FAIM2: variants seen among roughly 807,000 people sequenced by gnomAD.
The protein encoded by FAIM2 is Fas apoptotic inhibitory molecule 2.
FAIM2 carries 27 observed loss-of-function variants against 47.4 expected under a neutral mutation model. That is an observed-to-expected ratio of 0.57 (90% CI 0.42 to 0.78). The LOEUF (loss-of-function observed/expected upper bound fraction) is 0.78, where lower values mean the gene tolerates loss of function less well. Ranked by LOEUF, FAIM2 falls within the 30% of genes least tolerant of loss-of-function variation. The pLI, the probability that FAIM2 is intolerant of heterozygous loss-of-function variation, is 0.00. For missense variants in FAIM2, 311 were observed against 389.4 expected (o/e 0.80, Z 1.69); for synonymous variants, 156 against 159.3 (o/e 0.98, Z 0.16).
At chr12:49,896,240 T>G (rs956864) in intron 5 of FAIM2, among the ~76,000 whole-genome samples, 1 of 152,080 alleles carries the variant, frequency 6.6e-6, no homozygotes, top group South Asian at 2.1e-4. Flanking sequence ...CTGCTCTGAG[T>G]CCCAGGATGG....
At chr12:49,893,620 A>T (rs1337581061) in intron 5 of FAIM2, among the ~76,000 whole-genome samples, 1 of 152,246 alleles carries the variant, frequency 6.6e-6, no homozygotes, top group Admixed American at 6.5e-5. Flanking sequence ...GAGATGCAGG[A>T]GTTGAGACAA....
intron 2 of FAIM2, 34 bp from the exon 3 acceptor site, chr12:49,898,124 T>G (rs1258259178): frequency 2.6e-6 from 4 of 1,511,238 alleles, no homozygotes; most frequent in African/African-American, 2.8e-5. Flanking sequence ...GACATGAGGG[T>G]TCCCCCTACA....
In FAIM2 at chr12:49,878,610, G is replaced by GCA. The variant is rs1555157978; in HGVS notation, c.802-7958_802-7957insTG. Reference sequence around the variant, plus strand: ...CATGTGTATGTGTATGTGTGCATGTGTATGTGTGCATATGTGTATGTATGT... The same window carrying GCA: ...CATGTGTATGTGTATGTGTGCATGTGCATATGTGTGCATATGTGTATGTATGT... On this transcript the variant is annotated intron_variant, in intron 11 of 11. Transcript: ENST00000320634. Among the ~76,000 whole-genome samples the GCA allele has an allele frequency of 3.0e-5, 4 of 132,584 alleles. 1 individual carries two copies. Among genetic ancestry groups the GCA allele is most frequent in the African/African-American group, 5.8e-5 (2 of 34,744 alleles). The allele number at this position is 132,584 out of a possible 152,430, so 87.0% of individuals were successfully genotyped here.
chr12:49,887,068 C>T (rs1472232461), intron 11 of FAIM2, among the ~76,000 whole-genome samples: 3 of 152,056 alleles, frequency 2.0e-5, no homozygotes, highest in Admixed American at 1.3e-4. Flanking sequence ...CCAGGATACC[C>T]CCACTCTCTC....
chr12:49,900,251 C>A (rs1413316961), intron 2 of FAIM2: 1 of 1,276,402 alleles, frequency 7.8e-7, no homozygotes, highest in African/African-American at 1.5e-5. Context: ...GGTGGCTACT[C>A]CCTATGAGCA....
chr12:49,896,121 GCTGCAT>G (rs1312540951), intron 5 of FAIM2, among the ~76,000 whole-genome samples: 1 of 152,126 alleles, frequency 6.6e-6, no homozygotes, highest in Non-Finnish European at 1.5e-5. Context: ...CTCTCCGAAT[GCTGCAT>G]CTGTTCATGC....
intron 11 of FAIM2, among the ~76,000 whole-genome samples, chr12:49,879,338 T>G (rs111155249): frequency 3.6e-5 from 4 of 109,624 alleles, no homozygotes; most frequent in Non-Finnish European, 5.8e-5. Context: ...GTGTATGTGT[T>G]TATGTGTGCA....
At chr12:49,876,276 C>A (rs891184166) in intron 11 of FAIM2, among the ~76,000 whole-genome samples, 25 of 152,294 alleles carry the variant, frequency 1.6e-4, no homozygotes, top group African/African-American at 6.0e-4. Flanking sequence ...AGGTACTGTT[C>A]TTGTCCCCAT....
chr12:49,880,488 A>ATGTGTGTG (rs1401837991), intron 11 of FAIM2, among the ~76,000 whole-genome samples: 156 of 42,994 alleles, frequency 3.6e-3, no homozygotes, highest in African/African-American at 8.7e-3. Context: ...ATGTGTATGC[A>ATGTGTGTG]TGTGTATGTG....
intron 5 of FAIM2, among the ~76,000 whole-genome samples, chr12:49,891,861 G>A (rs964704373): frequency 6.6e-6 from 1 of 152,172 alleles, no homozygotes; most frequent in African/African-American, 2.4e-5. Flanking sequence ...AGCGATGGAG[G>A]ATTGAGGATT....
rs1451681715 is a variant in FAIM2 at position 49,879,251 on chromosome 12, CATGTGTGT to C, written c.801+8127_801+8134del. Among the ~76,000 whole-genome samples, 32 of 112,742 alleles carry C rather than the reference CATGTGTGT, an allele frequency of 2.8e-4. 6 individuals are homozygous for C. The highest frequency in any genetic ancestry group is 2.1e-4 in the Non-Finnish European group (12 of 57,410). The allele number at this position is 112,742 out of a possible 152,430, so 74.0% of individuals were successfully genotyped here. A position where few individuals can be genotyped will look rare whatever the true frequency, so the allele number is the denominator to read the frequency against. The stretch of plus-strand genomic sequence containing the variant: ...GTGTATGTATGCATGCATGTGTGTG[CATGTGTGT>C]ATGTGTGCATGTGTATATGTGTGTA... On this transcript the variant is annotated intron_variant, in intron 11 of 11. Transcript: ENST00000320634.
chr12:49,891,313 G>C (rs1256639555), intron 5 of FAIM2, among the ~76,000 whole-genome samples, 199 bp from the exon 6 acceptor site: 1 of 152,150 alleles, frequency 6.6e-6, no homozygotes, highest in East Asian at 1.9e-4. Flanking sequence ...AGGATGGGAC[G>C]AGCCTGCTTC....
At chr12:49,877,930 CTGTA>C (rs1426822344) in intron 11 of FAIM2, among the ~76,000 whole-genome samples, 4 of 145,532 alleles carry the variant, frequency 2.7e-5, no homozygotes, top group South Asian at 2.2e-4. Context: ...GTGTATGCAT[CTGTA>C]TGTGTGTATA....
Position 49,886,424 on chromosome 12 carries a change from G to C in FAIM2, c.801+962C>G, listed in dbSNP as rs757258370. Among the ~76,000 whole-genome samples the C allele has an allele frequency of 1.1e-3, 171 of 152,240 alleles. 1 individual carries two copies. Among genetic ancestry groups the C allele is most frequent in the Non-Finnish European group, 2.4e-4 (16 of 68,008 alleles). On this transcript the variant is annotated intron_variant, in intron 11 of 11. Coordinates refer to ENST00000320634, the MANE Select transcript of FAIM2 (RefSeq NM_012306.4). ...ACTTCCTAGGATGCTGTGTGACCTT[G>C]GGCATGTTATTTGATATCTCTGAGC...
chr12:49,887,917 A>C (rs548690672), intron 10 of FAIM2, among the ~76,000 whole-genome samples: 1 of 152,256 alleles, frequency 6.6e-6, no homozygotes, highest in East Asian at 1.9e-4. Flanking sequence ...TTGGGGGGGC[A>C]TCTGGAGTCT....
At chr12:49,895,036 C>T (rs925036076) in intron 5 of FAIM2, among the ~76,000 whole-genome samples, 2 of 149,424 alleles carry the variant, frequency 1.3e-5, no homozygotes, top group African/African-American at 4.9e-5. Flanking sequence ...GGGGGCAGGA[C>T]GGAGAGAGCT....
At chr12:49,880,724 ATGTG>A (rs767319926) in intron 11 of FAIM2, among the ~76,000 whole-genome samples, 21 of 62,070 alleles carry the variant, frequency 3.4e-4, no homozygotes, top group Middle Eastern at 8.5e-3. Flanking sequence ...ATGCGTGTAT[ATGTG>A]TGTGTGTATG....
At chr12:49,878,502 G>A (rs111168144) in intron 11 of FAIM2, among the ~76,000 whole-genome samples, 2,438 of 89,378 alleles carry the variant, frequency 0.027, 517 homozygotes, top group African/African-American at 0.12. Flanking sequence ...ATGTGCATGT[G>A]TGTATATGTG....
chr12:49,900,517 C>T (rs1946974945), intron 2 of FAIM2, among the ~76,000 whole-genome samples: 1 of 152,102 alleles, frequency 6.6e-6, no homozygotes, highest in Non-Finnish European at 1.5e-5. Flanking sequence ...GTGAGTGTGC[C>T]CAGCTGTGGG....
Sources: allele counts gnomAD v4.1 joint callset (sites outside exome capture counted in the v4.1 genomes callset), GRCh38; gene constraint gnomAD v4.1.1; transcripts MANE v1.5; gene names NCBI Gene and HGNC (gene_info 2026-07-23, HGNC 2026-07-21).